The following SIPA1L3 variants were observed in gnomAD, a reference collection of about 807,000 sequenced individuals.
SIPA1L3 encodes signal-induced proliferation-associated 1-like protein 3.
SIPA1L3 carries 59 observed loss-of-function variants against 150.1 expected under a neutral mutation model. That is an observed-to-expected ratio of 0.39 (90% CI 0.32 to 0.49). The LOEUF is 0.49. SIPA1L3 is among the 20% of genes least tolerant of loss of function. SIPA1L3 has a pLI of 0.86. For missense variants in SIPA1L3, 2,211 were observed against 2,489.5 expected (o/e 0.89, Z 2.38); for synonymous variants, 1,070 against 1,077.6 (o/e 0.99, Z 0.14).
chr19:37,963,825 TA>T (rs1343696178), intron 1 of SIPA1L3: 2 of 152,208 alleles, frequency 1.3e-5, no homozygotes, highest in East Asian at 3.8e-4. Flanking sequence ...ATTTTCTCTT[TA>T]ATTTAAGACA....
At chr19:37,909,467 C>T (rs1412809216) in intron 1 of SIPA1L3, among the ~76,000 whole-genome samples, 1 of 152,088 alleles carries the variant, frequency 6.6e-6, no homozygotes, top group Non-Finnish European at 1.5e-5. Flanking sequence ...TTTTGGCCTC[C>T]CAAAGTGCTG....
intron 2 of SIPA1L3, among the ~76,000 whole-genome samples, chr19:38,068,275 C>T (rs1023927007): frequency 1.3e-5 from 2 of 151,916 alleles, no homozygotes; most frequent in African/African-American, 2.4e-5. Flanking sequence ...GTGATCTGCC[C>T]GCCTCGGCCT....
At chr19:38,185,526 C>A (rs1423575631) in intron 16 of SIPA1L3, 1 of 152,130 alleles carries the variant, frequency 6.6e-6, no homozygotes, top group Non-Finnish European at 1.5e-5. Flanking sequence ...AACTACCACA[C>A]ACTGAGTGGC....
chr19:38,014,683 T>G (rs1968189761), intron 1 of SIPA1L3, among the ~76,000 whole-genome samples: 1 of 151,474 alleles, frequency 6.6e-6, no homozygotes, highest in Non-Finnish European at 1.5e-5. Flanking sequence ...TTTTTTTTTT[T>G]TTTTGAGACG....
chr19:38,024,635 T>A (rs1405346445), intron 1 of SIPA1L3, among the ~76,000 whole-genome samples: 1 of 152,172 alleles, frequency 6.6e-6, no homozygotes, highest in African/African-American at 2.4e-5. Context: ...TCAGACTAGA[T>A]CAAAGCATTC....
intron 13 of SIPA1L3, among the ~76,000 whole-genome samples, chr19:38,160,710 A>G (rs1258778457): frequency 6.6e-6 from 1 of 151,998 alleles, no homozygotes; most frequent in East Asian, 1.9e-4. Flanking sequence ...CCTGACATCC[A>G]CAGCAGCCAC....
At chr19:38,088,240 G>C (rs1170222516) in intron 3 of SIPA1L3, among the ~76,000 whole-genome samples, 1 of 152,248 alleles carries the variant, frequency 6.6e-6, no homozygotes, top group Admixed American at 6.5e-5. Context: ...GCTGGGGCCA[G>C]ACATCTATTA....
intron 1 of SIPA1L3, among the ~76,000 whole-genome samples, chr19:38,026,377 C>T (rs987912592): frequency 2.0e-5 from 3 of 152,126 alleles, no homozygotes; most frequent in African/African-American, 7.2e-5. Context: ...GCTTTGGTGG[C>T]AGGGTCACCC....
chr19:38,198,484 G>T lies in SIPA1L3; in HGVS notation c.4936G>T (p.Ala1646Ser). 1 of 1,603,894 alleles carries T rather than the reference G, an allele frequency of 6.2e-7. No homozygotes were observed. The change falls in exon 19 of 22, where the codon GCT (alanine) becomes TCT (serine). Residue 1646 changes from alanine (A) to serine (S), a missense_variant. By Grantham distance (99) the Ala-to-Ser change is moderately conservative. This residue lies in a region of SIPA1L3 where 806 missense variants were observed against 870.1 expected (regional missense o/e 0.93). Transcript: ENST00000222345. Reference protein sequence around the residue: ...PGLMPLPDTAAGLEWSSLVNA... With the variant: ...PGLMPLPDTASGLEWSSLVNA... ...GCTGATGCCCCTGCCTGACACAGCT[G>T]CTGGCCTCGAGTGGTCCAGCCTGGT...
In SIPA1L3 at chr19:37,960,711, A is replaced by G. The variant is rs1382475588; in HGVS notation, c.-379+53353A>G. ...CGTGAGCCACTGCGCCCAGCCTCAC[A>G]CTCAGCTAATTTTTAAATTTTTTGT... On this transcript the variant is annotated intron_variant, in intron 1 of 21. Transcript: ENST00000222345. 2.0e-5 allele frequency among the ~76,000 whole-genome samples: 3 copies of G among 149,846 alleles called. No individual in the cohort carries two copies. The East Asian group carries it at 5.9e-4, about 30-fold the overall frequency.
At chr19:38,043,664 A>G (rs80250255) in intron 2 of SIPA1L3, among the ~76,000 whole-genome samples, 11,296 of 152,234 alleles carry the variant, frequency 0.074, 633 homozygotes, top group Non-Finnish European at 0.1. Flanking sequence ...AATGTTAACC[A>G]TTTACTGTTG....
At position 38,119,847 on chromosome 19, in the gene SIPA1L3, G is replaced by A. The variant is rs1970977378; in HGVS notation, c.2833G>A (p.Val945Met). 5.6e-6 allele frequency: 9 copies of A among 1,612,666 alleles called. No individual in the cohort carries two copies. Among genetic ancestry groups the A allele is most frequent in the Non-Finnish European group, 7.6e-6 (9 of 1,179,850 alleles). The change falls in exon 9 of 22, where the codon GTG becomes ATG. Residue 945 changes from valine to methionine, a missense_variant. Physicochemically the swap from Val to Met is conservative, Grantham distance 21. Transcript: ENST00000222345. ...CTTCCTACAGGCGACAGAGGGTTCTGTGGAGGACATAAGGGAGATAGTGCA... is the reference window on the plus strand; with the variant it reads ...CTTCCTACAGGCGACAGAGGGTTCTATGGAGGACATAAGGGAGATAGTGCA... ...HIFLQATEGS[V>M]EDIREIVQRL...
intron 2 of SIPA1L3, among the ~76,000 whole-genome samples, chr19:38,062,801 A>G (rs780803789): frequency 6.6e-5 from 10 of 151,988 alleles, no homozygotes; most frequent in Non-Finnish European, 1.3e-4. Context: ...TTGTATTTTT[A>G]GTAGAGACAG....
In SIPA1L3 at chr19:38,192,318, G is replaced by A. The variant is rs778343089; in HGVS notation, c.4596+8G>A. The A allele has an allele frequency of 1.3e-6, 2 of 1,592,458 alleles. No homozygotes were observed. Among genetic ancestry groups the A allele is most frequent in the Non-Finnish European group, 8.5e-7 (1 of 1,170,484 alleles). On this transcript the variant is annotated splice_region_variant and intron_variant, in intron 17 of 21. Coordinates refer to ENST00000222345, the MANE Select transcript of SIPA1L3 (RefSeq NM_015073.3). ...CAGGAGAGAGACACGGGAGTACGTA[G>A]GGCCCTGTCCCCCGCTCCCGACCCC...
chr19:38,133,033 A>G (rs1176646428), intron 10 of SIPA1L3, among the ~76,000 whole-genome samples: 4 of 152,176 alleles, frequency 2.6e-5, no homozygotes, highest in Non-Finnish European at 5.9e-5. Flanking sequence ...CGGCCTCCCC[A>G]TGGTGTCCTT....
At chr19:38,040,060 T>C (rs1599941530) in intron 2 of SIPA1L3, among the ~76,000 whole-genome samples, 1 of 151,948 alleles carries the variant, frequency 6.6e-6, no homozygotes, top group South Asian at 2.1e-4. Flanking sequence ...CTGCAGTGAG[T>C]CATAATTGTA....
At chr19:37,941,392 T>A (rs187473370) in intron 1 of SIPA1L3, among the ~76,000 whole-genome samples, 1 of 152,230 alleles carries the variant, frequency 6.6e-6, no homozygotes, top group Admixed American at 6.5e-5. Flanking sequence ...CTTTTGAACT[T>A]TTGTTTGCCT....
intron 1 of SIPA1L3, among the ~76,000 whole-genome samples, chr19:38,005,048 G>T (rs956492304): frequency 6.6e-6 from 1 of 152,114 alleles, no homozygotes; most frequent in Non-Finnish European, 1.5e-5. Flanking sequence ...AACCGGGGCC[G>T]AGGAAAGGGT....
intron 9 of SIPA1L3, among the ~76,000 whole-genome samples, chr19:38,120,751 G>A (rs1970996398): frequency 6.6e-6 from 1 of 152,234 alleles, no homozygotes. Flanking sequence ...TGGCAGATTG[G>A]TGATAGCTTA....
Sources: allele counts gnomAD v4.1 joint callset (sites outside exome capture counted in the v4.1 genomes callset), GRCh38; gene constraint gnomAD v4.1.1; regional missense constraint gnomAD v4.1.1; transcripts MANE v1.5; gene names NCBI Gene and HGNC (gene_info 2026-07-23, HGNC 2026-07-21).